Variants in LIPI observed in about 807,000 individuals in gnomAD.
The protein encoded by LIPI is lipase I, also known as lipase member I.
A neutral mutation model predicts 50.6 loss-of-function variants in LIPI; 59 were observed. The ratio of observed to expected loss-of-function variants is 1.16; its 90% confidence interval spans 0.94 to 1.45. LIPI has a LOEUF of 1.45. LIPI is among the 40% of genes most tolerant of loss of function. The pLI is 0.00. For synonymous variants in LIPI, 203 were observed against 178.2 expected, an observed-to-expected ratio of 1.14 and a Z score of -1.11; for missense variants, 586 against 536.3, an observed-to-expected ratio of 1.09 and a Z score of -0.92.
At chr21:14,153,394 T>G (rs2018167870) in intron 7 of LIPI, among the ~76,000 whole-genome samples, 1 of 152,160 alleles carries the variant, frequency 6.6e-6, no homozygotes, top group African/African-American at 2.4e-5. Context: ...TGAAGTTACC[T>G]CACAGCCTTA....
At chr21:14,124,514 G>A (rs998729204) in intron 9 of LIPI, among the ~76,000 whole-genome samples, 2 of 152,162 alleles carry the variant, frequency 1.3e-5, no homozygotes, top group Non-Finnish European at 2.9e-5. Context: ...GGCTCAGTGA[G>A]TTCCTGCTTC....
At chr21:14,118,729 TC>T (rs1430627766) in intron 9 of LIPI, among the ~76,000 whole-genome samples, 2 of 152,076 alleles carry the variant, frequency 1.3e-5, no homozygotes, top group East Asian at 1.9e-4. Flanking sequence ...CAGAGGACAG[TC>T]CCCCGGGGCT....
At chr21:14,192,846 A>G (rs888727540) in intron 1 of LIPI, among the ~76,000 whole-genome samples, 27 of 152,336 alleles carry the variant, frequency 1.8e-4, no homozygotes, top group African/African-American at 6.5e-4. Context: ...CCCACTCTAC[A>G]TGAAATGTTA....
Position 14,163,441 on chromosome 21 carries a change from T to C in LIPI, c.984A>G (p.Thr328=). ...RPLRTTVFLD[T]SGTYPFCTYY... ...TACTACAGAATGGATATGTACCACTTGTATCCAAAAACACAGTGGTCCTAA... is the reference window on the plus strand; with the variant it reads ...TACTACAGAATGGATATGTACCACTCGTATCCAAAAACACAGTGGTCCTAA... The change falls in exon 7 of 10, where the codon ACA becomes ACG. Residue 328 remains threonine (T), a synonymous_variant. Transcript: ENST00000681601. 6.6e-7 allele frequency: 1 copy of C among 1,525,026 alleles called. No homozygotes were observed. The highest frequency in any genetic ancestry group is 9.1e-7 in the Non-Finnish European group (1 of 1,099,166). The allele number at this position is 1,525,026 out of a possible 1,614,324, so 94.5% of individuals were successfully genotyped here.
chr21:14,183,294 C>G (rs2019338177), intron 3 of LIPI, among the ~76,000 whole-genome samples: 1 of 152,078 alleles, frequency 6.6e-6, no homozygotes, highest in Non-Finnish European at 1.5e-5. Context: ...GAAACTGGAT[C>G]CCTTCCTTAC....
intron 3 of LIPI, among the ~76,000 whole-genome samples, chr21:14,184,381 A>G (rs982474180): frequency 6.6e-5 from 10 of 152,138 alleles, no homozygotes; most frequent in Non-Finnish European, 8.8e-5. Flanking sequence ...ATGCTAAATG[A>G]TGAGTTAATG....
At position 14,152,845 on chromosome 21, in the gene LIPI, G is replaced by T. The variant is rs568104530; in HGVS notation, c.1007-161C>A. On this transcript the variant is annotated intron_variant, in intron 7 of 9. Transcript: ENST00000681601. ...ATTGAGAGGACTCATTTGGTAAATG[G>T]GTAATATATTTTACCTTTTGTTTGT... Among the ~76,000 whole-genome samples the T allele has an allele frequency of 1.1e-3, 158 of 150,194 alleles. 2 individuals are homozygous for T. The highest frequency in any genetic ancestry group is 0.01 in the Admixed American group (153 of 15,128).
chr21:14,164,097 A>G (rs1294078900), intron 6 of LIPI, among the ~76,000 whole-genome samples: 2 of 151,022 alleles, frequency 1.3e-5, no homozygotes, highest in African/African-American at 4.9e-5. Flanking sequence ...TGATATATTG[A>G]TAAAAATTAC....
intron 9 of LIPI, among the ~76,000 whole-genome samples, chr21:14,121,859 C>T (rs1290817041): frequency 6.6e-6 from 1 of 152,176 alleles, no homozygotes; most frequent in Non-Finnish European, 1.5e-5. Flanking sequence ...TGCCCTGCCC[C>T]AACCACACCA....
At chr21:14,114,096 T>C (rs2016522329) in intron 9 of LIPI, among the ~76,000 whole-genome samples, 1 of 151,444 alleles carries the variant, frequency 6.6e-6, no homozygotes, top group South Asian at 2.1e-4. Flanking sequence ...GAGAATCACT[T>C]CAACCCGGGA....
chr21:14,184,550 A>T (rs571177566), intron 3 of LIPI, among the ~76,000 whole-genome samples: 1 of 152,174 alleles, frequency 6.6e-6, no homozygotes, highest in African/African-American at 2.4e-5. Context: ...AATGTTTTTC[A>T]TTTCAAAAAC....
rs534754779 is a variant in LIPI, at chr21:14,185,844, C to G, written c.541+117G>C. On this transcript the variant is annotated intron_variant, in intron 3 of 9. Coordinates refer to ENST00000681601, the MANE Select transcript of LIPI (RefSeq NM_001302998.2). ...GTTGCAGTGAGCCGAGATCGCACCA[C>G]TGCACTGCAGCCTGGGCAACAGAGC... 182 of 646,746 alleles carry G rather than the reference C, an allele frequency of 2.8e-4. 5 individuals carry two copies. In the South Asian group the frequency reaches 3.1e-3, roughly 11 times the overall value. The allele number at this position is 646,746 out of a possible 1,614,324, so 40.1% of individuals were successfully genotyped here.
At chr21:14,152,931 G>A (rs2018149740) in intron 7 of LIPI, among the ~76,000 whole-genome samples, 1 of 152,048 alleles carries the variant, frequency 6.6e-6, no homozygotes. Flanking sequence ...TAATGGGTAT[G>A]GTGAAGTATT....
chr21:14,161,448 T>C (rs1474486612), intron 7 of LIPI, among the ~76,000 whole-genome samples: 1 of 139,892 alleles, frequency 7.1e-6, no homozygotes, highest in African/African-American at 2.6e-5. Context: ...ATATATTATA[T>C]ATAGATATTA....
chr21:14,186,143 G>A (rs397825), intron 2 of LIPI, 74 bp from the exon 3 acceptor site: 164,015 of 833,996 alleles, frequency 0.2, 17,677 homozygotes, highest in South Asian at 0.26. Context: ...CTCATATATC[G>A]ACATTTCAAA....
intron 9 of LIPI, among the ~76,000 whole-genome samples, chr21:14,113,049 C>A (rs534055985): frequency 2.0e-5 from 3 of 152,286 alleles, no homozygotes; most frequent in East Asian, 3.9e-4. Context: ...CTTATCCAAG[C>A]TAGCTTAATA....
rs376134232 is a variant in LIPI, at chr21:14,178,439, A to G, written c.643+3319T>C. Among the ~76,000 whole-genome samples the G allele has an allele frequency of 5.3e-5, 8 of 152,138 alleles. No individual in the cohort carries two copies. The South Asian group carries it at 1.0e-3, about 20-fold the overall frequency. ...GAAATTTACTTTTCACCTACTTTTT[A>G]GTTCACTCGCTCACTCTCTCTTTAC... On this transcript the variant is annotated intron_variant, in intron 4 of 9. Coordinates refer to ENST00000681601, the MANE Select transcript of LIPI (RefSeq NM_001302998.2).
In LIPI at chr21:14,183,827, T is replaced by C. The variant is rs376773629; in HGVS notation, c.542-1968A>G. Among the ~76,000 whole-genome samples, 10 of 152,074 alleles carry C rather than the reference T, an allele frequency of 6.6e-5. No homozygotes were observed. In the East Asian group the frequency reaches 1.2e-3, roughly 18 times the overall value. On this transcript the variant is annotated intron_variant, in intron 3 of 9. Coordinates refer to ENST00000681601, the MANE Select transcript of LIPI (RefSeq NM_001302998.2). ...CGATCATTAAAAAGTCAGGAAACAA[T>C]AGGTGCTGGAGAGGATGTGGAGAAA...
At position 14,181,030 on chromosome 21, in the gene LIPI, C is replaced by T. The variant is rs549783839; in HGVS notation, c.643+728G>A. Among the ~76,000 whole-genome samples the T allele has an allele frequency of 2.0e-5, 3 of 152,132 alleles. No homozygotes were observed. In the South Asian group the frequency reaches 6.2e-4, roughly 32 times the overall value. On this transcript the variant is annotated intron_variant, in intron 4 of 9. Coordinates refer to ENST00000681601, the MANE Select transcript of LIPI (RefSeq NM_001302998.2). ...ACTCTGCCATTTACTGACCTTACAACCTTTATTCTAGTTTCCTCAACTGTA... is the reference window on the plus strand; with the variant it reads ...ACTCTGCCATTTACTGACCTTACAATCTTTATTCTAGTTTCCTCAACTGTA...
Sources: gnomAD v4.1 joint callset for allele counts (sites outside exome capture counted in the v4.1 genomes callset) on GRCh38, gnomAD v4.1.1 for gene constraint, MANE v1.5 for transcripts, NCBI Gene and HGNC (gene_info 2026-07-23, HGNC 2026-07-21) for gene names.